The following TTLL11 variants were observed in gnomAD, a reference collection of about 807,000 sequenced individuals.
TTLL11 encodes the protein tubulin tyrosine ligase like 11.
TTLL11 carries 42 observed loss-of-function variants against 51.7 expected under a neutral mutation model. The ratio of observed to expected loss-of-function variants is 0.81; its 90% CI spans 0.64 to 1.05. The LOEUF (loss-of-function observed/expected upper bound fraction) is 1.05, where lower values mean the gene tolerates loss of function less well. TTLL11 is among the 50% of genes least tolerant of loss of function. The pLI is 0.00. For missense variants in TTLL11, 799 were observed against 940.4 expected, an observed-to-expected ratio of 0.85 and a Z score of 1.97; for synonymous variants, 381 against 383.5, an observed-to-expected ratio of 0.99 and a Z score of 0.08.
chr9:121,984,172 CA>C (rs1247573599), intron 4 of TTLL11, among the ~76,000 whole-genome samples: 5 of 152,020 alleles, frequency 3.3e-5, no homozygotes, highest in African/African-American at 1.2e-4. Flanking sequence ...GGGTTGGGGT[CA>C]GGGGTGACAA....
At chr9:121,985,534 T>TGA (rs1380768692) in intron 4 of TTLL11, among the ~76,000 whole-genome samples, 1 of 127,558 alleles carries the variant, frequency 7.8e-6, no homozygotes, top group African/African-American at 3.0e-5. Flanking sequence ...TTTTTTTTTT[T>TGA]GAGACTGAGT....
chr9:122,044,250 G>C (rs369636488), intron 1 of TTLL11, among the ~76,000 whole-genome samples: 1 of 151,986 alleles, frequency 6.6e-6, no homozygotes, highest in African/African-American at 2.4e-5. Flanking sequence ...TCTTAATCCA[G>C]TCTATCATTG....
chr9:121,938,850 A>C (rs545883977), intron 6 of TTLL11, among the ~76,000 whole-genome samples: 1 of 152,218 alleles, frequency 6.6e-6, no homozygotes, highest in Non-Finnish European at 1.5e-5. Flanking sequence ...AACTGGTGGG[A>C]GTGTAGGTTA....
At chr9:121,899,349 GTGTGTA>G (rs1317163289) in intron 6 of TTLL11, among the ~76,000 whole-genome samples, 1 of 96,908 alleles carries the variant, frequency 1.0e-5, no homozygotes, top group African/African-American at 3.5e-5. Flanking sequence ...CTCTGTGTGT[GTGTGTA>G]TGTGTGTGTG....
At chr9:121,880,325 T>A (rs1010482755) in intron 6 of TTLL11, among the ~76,000 whole-genome samples, 1 of 152,136 alleles carries the variant, frequency 6.6e-6, no homozygotes, top group Non-Finnish European at 1.5e-5. Context: ...GGTTGCTGCC[T>A]CCCTCATCCT....
At chr9:121,982,553 C>A (rs1842848681) in intron 4 of TTLL11, among the ~76,000 whole-genome samples, 1 of 151,966 alleles carries the variant, frequency 6.6e-6, no homozygotes, top group Middle Eastern at 3.2e-3. Context: ...CCTGTCTCTA[C>A]TAAAAATATT....
At chr9:122,021,314 G>A (rs1844172903) in intron 3 of TTLL11, among the ~76,000 whole-genome samples, 1 of 152,130 alleles carries the variant, frequency 6.6e-6, no homozygotes, top group Admixed American at 6.5e-5. Flanking sequence ...TGTGAGTCAG[G>A]GAAGACTGAG....
Position 121,949,067 on chromosome 9 carries a change from T to G in TTLL11, c.1481+24942A>C, listed in dbSNP as rs1171903984. ...AATGTTTGTGTCACCATTGCAATCC[T>G]GAGTCAGACACTCTGCCACTCACTC... On this transcript the variant is annotated intron_variant, in intron 6 of 8. Coordinates refer to ENST00000321582, the MANE Select transcript of TTLL11 (RefSeq NM_001139442.2). Among the ~76,000 whole-genome samples the G allele has an allele frequency of 4.6e-5, 7 of 152,226 alleles. No homozygotes were observed. In the South Asian group the frequency reaches 1.5e-3, roughly 32 times the overall value.
intron 6 of TTLL11, among the ~76,000 whole-genome samples, chr9:121,963,000 G>A (rs1057299326): frequency 2.0e-5 from 3 of 152,214 alleles, no homozygotes; most frequent in Non-Finnish European, 4.4e-5. Context: ...ATATCTGCAC[G>A]TCTGTTCTCT....
intron 6 of TTLL11, among the ~76,000 whole-genome samples, chr9:121,943,139 A>T (rs1841550280): frequency 6.6e-6 from 1 of 152,212 alleles, no homozygotes; most frequent in Non-Finnish European, 1.5e-5. Context: ...GCAGGTTTGA[A>T]TTAACAAGTT....
At chr9:122,088,883 G>A (rs1292453171) in intron 1 of TTLL11, among the ~76,000 whole-genome samples, 1 of 152,070 alleles carries the variant, frequency 6.6e-6, no homozygotes, top group East Asian at 1.9e-4. Context: ...ACACATGCCT[G>A]TAATCTCAGC....
chr9:121,928,426 T>TTTTG (rs141260517), intron 6 of TTLL11, among the ~76,000 whole-genome samples: 11,312 of 149,640 alleles, frequency 0.076, 631 homozygotes, highest in African/African-American at 0.16. Context: ...CTTTGAGTTA[T>TTTTG]TTTGTTTGTT....
intron 3 of TTLL11, among the ~76,000 whole-genome samples, chr9:122,009,174 G>A (rs561845617): frequency 2.6e-5 from 4 of 152,262 alleles, no homozygotes; most frequent in Admixed American, 1.3e-4. Flanking sequence ...TAAGAGAGTA[G>A]ATATTAAGTG....
intron 6 of TTLL11, among the ~76,000 whole-genome samples, chr9:121,967,063 G>A (rs1321109451): frequency 6.6e-6 from 1 of 151,962 alleles, no homozygotes; most frequent in African/African-American, 2.4e-5. Context: ...CCATTTTACA[G>A]ACATGATTAG....
intron 7 of TTLL11, among the ~76,000 whole-genome samples, chr9:121,863,421 T>G (rs1838079774): frequency 6.6e-6 from 1 of 152,204 alleles, no homozygotes; most frequent in Middle Eastern, 3.2e-3. Context: ...GCTCTGTGGG[T>G]TAATAGAGTA....
At chr9:121,988,482 G>C (rs1842995132) in intron 4 of TTLL11, among the ~76,000 whole-genome samples, 1 of 150,568 alleles carries the variant, frequency 6.6e-6, no homozygotes, top group African/African-American at 2.5e-5. Context: ...ACCTCTTCCA[G>C]TGCCTCCTGC....
At position 122,048,609 on chromosome 9, in the gene TTLL11, C is replaced by T. The variant is rs145453717; in HGVS notation, c.463-9241G>A. On this transcript the variant is annotated intron_variant, in intron 1 of 8. Transcript: ENST00000321582. ...CACTTCACAGACTCCCCTCTGCCAACCTGCCCACCTCAAGTTGGGCCACTT... is the reference window on the plus strand; with the variant it reads ...CACTTCACAGACTCCCCTCTGCCAATCTGCCCACCTCAAGTTGGGCCACTT... 3.2e-3 allele frequency among the ~76,000 whole-genome samples: 488 copies of T among 152,352 alleles called. 2 individuals are homozygous for T. Among genetic ancestry groups the T allele is most frequent in the African/African-American group, 0.011 (474 of 41,596 alleles).
chr9:122,092,748 G>T lies in TTLL11; in HGVS notation c.401C>A (p.Ser134Tyr). The T allele has an allele frequency of 6.5e-7, 1 of 1,538,382 alleles. No homozygotes were observed. Among genetic ancestry groups the T allele is most frequent in the African/African-American group, 1.4e-5 (1 of 73,254 alleles). ...GSQRPVTVDSSKARTSLDALK... is the reference protein window; with the variant it reads ...GSQRPVTVDSYKARTSLDALK... ...GGCATCCAGGGAGGTCCTGGCCTTG[G>T]AGCTGTCCACGGTGACCGGCCGCTG... The change falls in exon 1 of 9, where the codon TCC becomes TAC. Residue 134 changes from serine to tyrosine, a missense_variant. This residue lies in a region of TTLL11 where 468 missense variants were observed against 612.8 expected (regional missense o/e 0.76). Coordinates refer to ENST00000321582, the MANE Select transcript of TTLL11 (RefSeq NM_001139442.2).
At chr9:121,850,318 A>T (rs1446996400) in intron 8 of TTLL11, among the ~76,000 whole-genome samples, 1 of 152,186 alleles carries the variant, frequency 6.6e-6, no homozygotes, top group Admixed American at 6.5e-5. Context: ...AGACCCTAGG[A>T]AGTCAGTGGT....
Sources: gnomAD v4.1 joint callset for allele counts (sites outside exome capture counted in the v4.1 genomes callset) on GRCh38, gnomAD v4.1.1 for gene constraint, gnomAD v4.1.1 regional missense constraint, MANE v1.5 for transcripts, NCBI Gene and HGNC (gene_info 2026-07-23, HGNC 2026-07-21) for gene names.